The following KLB variants were observed in gnomAD, a reference collection of about 807,000 sequenced individuals.
KLB encodes the protein klotho beta, also known as beta-klotho.
In KLB, 44 loss-of-function variants were observed where a neutral mutation model predicts 88.4. The observed-to-expected ratio is 0.50, with a 90% CI of 0.39 to 0.64. The LOEUF is 0.64. KLB is among the 30% of genes least tolerant of loss of function. The pLI is 0.00. For synonymous variants in KLB, 548 were observed against 513.4 expected (o/e 1.07, Z -0.91); for missense variants, 1,137 against 1,304.8 (o/e 0.87, Z 1.98).
intron 1 of KLB, among the ~76,000 whole-genome samples, chr4:39,419,536 G>A (rs940770895): frequency 1.3e-5 from 2 of 152,168 alleles, no homozygotes; most frequent in Non-Finnish European, 2.9e-5. Flanking sequence ...CACTTTGGGA[G>A]GCTGAGGTGG....
In KLB at chr4:39,448,445, G is replaced by C. The variant is rs752766646; in HGVS notation, c.2894G>C (p.Arg965Thr). 2.5e-6 allele frequency: 4 copies of C among 1,614,172 alleles called. No homozygotes were observed. Among genetic ancestry groups the C allele is most frequent in the Non-Finnish European group, 3.4e-6 (4 of 1,180,016 alleles). The part of the protein sequence containing the change: ...IQFYNKVISS[R>T]GFPFENSSSR... ...TTTTACAACAAAGTGATCAGCAGCA[G>C]GGGCTTCCCTTTTGAGAACAGTAGT... The change falls in exon 5 of 5, where the codon AGG becomes ACG. Residue 965 changes from arginine to threonine, a missense_variant. Transcript: ENST00000257408.
At chr4:39,439,408 C>G (rs1743546483) in intron 3 of KLB, among the ~76,000 whole-genome samples, 1 of 152,112 alleles carries the variant, frequency 6.6e-6, no homozygotes, top group South Asian at 2.1e-4. Context: ...TGCTTTAAGA[C>G]TTCACAATAC....
chr4:39,431,778 C>G (rs1008820339), intron 1 of KLB, among the ~76,000 whole-genome samples: 1 of 152,180 alleles, frequency 6.6e-6, no homozygotes, highest in Non-Finnish European at 1.5e-5. Context: ...CCCCATCTAA[C>G]AGGGTTTATG....
In KLB at chr4:39,447,894, CGACAGTGAGTGAGT is replaced by C. The variant is rs375603352; in HGVS notation, c.2750-405_2750-392del. 9.8e-3 allele frequency among the ~76,000 whole-genome samples: 1,495 copies of C among 152,268 alleles called. 27 individuals are homozygous for C. Among genetic ancestry groups the C allele is most frequent in the African/African-American group, 0.034 (1,424 of 41,544 alleles). On this transcript the variant is annotated intron_variant, in intron 4 of 4. Coordinates refer to ENST00000257408, the MANE Select transcript of KLB (RefSeq NM_175737.4). ...ACCACATCATGGTAGCTTAAGCGAG[CGACAGTGAGTGAGT>C]GGGTAAAACCAACTGTGATTCCTGG...
At chr4:39,443,342 C>T (rs557947869) in intron 3 of KLB, among the ~76,000 whole-genome samples, 32 of 149,846 alleles carry the variant, frequency 2.1e-4, no homozygotes, top group Non-Finnish European at 3.8e-4. Context: ...CTAGTGTGGG[C>T]GACAGGGCAA....
intron 1 of KLB, among the ~76,000 whole-genome samples, chr4:39,430,407 T>TAAAAAAA (rs1743319594): frequency 8.6e-6 from 1 of 116,264 alleles, no homozygotes; most frequent in Non-Finnish European, 1.7e-5. Context: ...TGTTTCTAAT[T>TAAAAAAA]AGAAAAAAAA....
At chr4:39,412,473 A>G (rs953744771) in intron 1 of KLB, among the ~76,000 whole-genome samples, 2 of 151,490 alleles carry the variant, frequency 1.3e-5, no homozygotes. Flanking sequence ...CTTCCTGGCC[A>G]CTCTCCCATC....
intron 1 of KLB, among the ~76,000 whole-genome samples, chr4:39,419,943 T>C (rs1350664379): frequency 1.9e-4 from 3 of 15,654 alleles, no homozygotes; most frequent in Admixed American, 5.7e-4. Flanking sequence ...AAACTTCATC[T>C]CAAAAAAAAA....
At chr4:39,415,596 A>C (rs1282457955) in intron 1 of KLB, among the ~76,000 whole-genome samples, 1 of 152,230 alleles carries the variant, frequency 6.6e-6, no homozygotes, top group African/African-American at 2.4e-5. Flanking sequence ...ATTATTTATT[A>C]GATGGTAAAA....
At chr4:39,420,316 T>C (rs1481842510) in intron 1 of KLB, among the ~76,000 whole-genome samples, 2 of 152,200 alleles carry the variant, frequency 1.3e-5, no homozygotes, top group Non-Finnish European at 2.9e-5. Context: ...TAATCATGTA[T>C]AATACATGAC....
rs1409131674 is a variant in KLB at position 39,448,544 on chromosome 4, T to C, written c.2993T>C (p.Ile998Thr). Reference sequence around the variant, plus strand: ...TTCCTTGTGCAGAAGAAACCACTGATATTCCTGGGTTGTTGCTTCTTCTCC... The same window carrying C: ...TTCCTTGTGCAGAAGAAACCACTGACATTCCTGGGTTGTTGCTTCTTCTCC... ...CLFLVQKKPLIFLGCCFFSTL... is the reference protein window; with the variant it reads ...CLFLVQKKPLTFLGCCFFSTL... The change falls in exon 5 of 5, where the codon ATA becomes ACA. Residue 998 changes from isoleucine (I) to threonine (T), a missense_variant. By Grantham distance (89) the Ile-to-Thr change is moderately conservative (BLOSUM62 -1). Transcript: ENST00000257408. 1.9e-6 allele frequency: 3 copies of C among 1,614,124 alleles called. No individual in the cohort carries two copies. The African/African-American group carries it at 4.0e-5, about 22-fold the overall frequency.
chr4:39,409,324 ACT>A (rs1205384927), intron 1 of KLB, among the ~76,000 whole-genome samples: 2 of 146,416 alleles, frequency 1.4e-5, no homozygotes, highest in African/African-American at 2.5e-5. Context: ...ACAAAGTCTC[ACT>A]CTGTCACCCA....
At position 39,407,025 on chromosome 4, in the gene KLB, T is replaced by G; in HGVS notation, c.76T>G (p.Tyr26Asp). The change falls in exon 1 of 5, where the codon TAT (tyrosine) becomes GAT (aspartate). Residue 26 changes from tyrosine to aspartate, a missense_variant. By Grantham distance (160) the Tyr-to-Asp change is radical (BLOSUM62 -3). Transcript: ENST00000257408. ...FFSTDEITTR[Y>D]RNTMSNGGLQ... Reference sequence around the variant, plus strand: ...CAGCACTGATGAAATAACCACACGCTATAGGAATACAATGTCCAACGGGGG... The same window carrying G: ...CAGCACTGATGAAATAACCACACGCGATAGGAATACAATGTCCAACGGGGG... 1 of 1,614,134 alleles carries G rather than the reference T, an allele frequency of 6.2e-7. No homozygotes were observed. The highest frequency in any genetic ancestry group is 8.5e-7 in the Non-Finnish European group (1 of 1,179,988).
chr4:39,442,993 C>T (rs1199881700), intron 3 of KLB, among the ~76,000 whole-genome samples: 1 of 152,216 alleles, frequency 6.6e-6, no homozygotes, highest in East Asian at 1.9e-4. Flanking sequence ...TTGTTAGCTT[C>T]CTTTAATTCA....
At chr4:39,424,397 C>CT (rs528990566) in intron 1 of KLB, among the ~76,000 whole-genome samples, 89 of 151,720 alleles carry the variant, frequency 5.9e-4, no homozygotes, top group Admixed American at 1.0e-3. Flanking sequence ...CCTTAGAGTC[C>CT]TTTTTTTCTA....
chr4:39,447,484 G>A lies in KLB; in HGVS notation c.2749+9G>A, dbSNP rs755288898. On this transcript the variant is annotated intron_variant, in intron 4 of 4. Coordinates refer to ENST00000257408, the MANE Select transcript of KLB (RefSeq NM_175737.4). ...TCAGGAGGTGCTGAAAGGTAAGGGC[G>A]GGGCCCCTTCAGACACAGGGCAGAG... 6 of 1,549,074 alleles carry A rather than the reference G, an allele frequency of 3.9e-6. No individual in the cohort carries two copies. The highest frequency in any genetic ancestry group is 1.4e-5 in the African/African-American group (1 of 73,328).
At chr4:39,419,773 C>CAA (rs35079093) in intron 1 of KLB, among the ~76,000 whole-genome samples, 24,313 of 71,030 alleles carry the variant, frequency 0.34, 4,380 homozygotes, top group African/African-American at 0.44. Flanking sequence ...AATTCCATCT[C>CAA]AAAAAAAAAA....
Position 39,450,909 on chromosome 4 carries a change from T to C in KLB, c.*2223T>C, listed in dbSNP as rs1206886489. On this transcript the variant is annotated 3_prime_UTR_variant, in exon 5 of 5. Transcript: ENST00000257408. ...ACAGGAATAACAAAAACCTGGAATT[T>C]ATCTTTCAGGTTTTGCTTTCTCTTT... is the stretch of plus-strand genomic sequence containing the variant. 2 of 152,124 alleles carry C rather than the reference T, an allele frequency of 1.3e-5. No individual in the cohort carries two copies. Among genetic ancestry groups the C allele is most frequent in the Admixed American group, 6.5e-5 (1 of 15,278 alleles). The allele number at this position is 152,124 out of a possible 1,614,324, so 9.4% of individuals were successfully genotyped here.
At chr4:39,437,374 A>G (rs1219031405) in intron 2 of KLB, among the ~76,000 whole-genome samples, 1 of 152,210 alleles carries the variant, frequency 6.6e-6, no homozygotes, top group East Asian at 1.9e-4. Context: ...TGAAATAAGA[A>G]ACTCTTGGTC....
Sources: gnomAD v4.1 joint callset for allele counts (sites outside exome capture counted in the v4.1 genomes callset) on GRCh38, gnomAD v4.1.1 for gene constraint, MANE v1.5 for transcripts, NCBI Gene and HGNC (gene_info 2026-07-23, HGNC 2026-07-21) for gene names.